FGF14: variants seen among roughly 807,000 people sequenced by gnomAD.
The protein encoded by FGF14 is fibroblast growth factor homologous factor 4.
A neutral mutation model predicts 25.5 loss-of-function variants in FGF14; 5 were observed. That is an observed-to-expected ratio of 0.20 (90% CI 0.10 to 0.41). The LOEUF (loss-of-function observed/expected upper bound fraction) is 0.41, where lower values mean the gene tolerates loss of function less well. Ranked by LOEUF, FGF14 falls within the 10% of genes least tolerant of loss-of-function variation. The probability of loss-of-function intolerance (pLI) is 1.00; values close to 1 mark genes in which losing one functional copy is unlikely to be tolerated. For missense variants in FGF14, 222 were observed against 320.1 expected, an observed-to-expected ratio of 0.69 and a Z score of 2.34; for synonymous variants, 138 against 118.3, an observed-to-expected ratio of 1.17 and a Z score of -1.08.
chr13:102,385,990 C>T (rs886986624), intron 1 of FGF14, among the ~76,000 whole-genome samples: 12 of 152,092 alleles, frequency 7.9e-5, no homozygotes, highest in African/African-American at 2.9e-4. Context: ...TTTACCCGAA[C>T]GTCACTTTTA....
intron 1 of FGF14, among the ~76,000 whole-genome samples, chr13:102,339,564 A>AT (rs1347040414): frequency 1.3e-5 from 2 of 152,170 alleles, no homozygotes; most frequent in African/African-American, 4.8e-5. Context: ...CATACAAAGG[A>AT]TTTTTTTAAG....
chr13:102,211,846 A>G (rs2050174949), intron 1 of FGF14, among the ~76,000 whole-genome samples: 1 of 152,210 alleles, frequency 6.6e-6, no homozygotes, highest in South Asian at 2.1e-4. Context: ...CGCTTTTCAT[A>G]CATAGGACTT....
At chr13:102,067,202 G>A (rs1420301262) in intron 1 of FGF14, among the ~76,000 whole-genome samples, 2 of 152,164 alleles carry the variant, frequency 1.3e-5, no homozygotes, top group South Asian at 4.1e-4. Flanking sequence ...AGGCCATTTG[G>A]GAATTGTCAA....
intron 1 of FGF14, among the ~76,000 whole-genome samples, chr13:101,915,393 G>A (rs1414468105): frequency 1.3e-5 from 2 of 152,186 alleles, no homozygotes; most frequent in African/African-American, 4.8e-5. Context: ...ACAATGTAAT[G>A]TGCTGGGCAA....
At chr13:101,973,119 CTT>C (rs35290815) in intron 1 of FGF14, among the ~76,000 whole-genome samples, 8,361 of 127,404 alleles carry the variant, frequency 0.066, 296 homozygotes, top group African/African-American at 0.13. Context: ...AAGTGTGCTT[CTT>C]TTTTTTTTTT....
At chr13:101,764,924 C>T (rs2038284499) in intron 3 of FGF14, among the ~76,000 whole-genome samples, 1 of 152,052 alleles carries the variant, frequency 6.6e-6, no homozygotes, top group African/African-American at 2.4e-5. Context: ...GATAGTGATC[C>T]CACTGGGTTG....
chr13:102,242,050 T>C (rs531319888), intron 1 of FGF14, among the ~76,000 whole-genome samples: 16 of 152,228 alleles, frequency 1.1e-4, no homozygotes, highest in Admixed American at 2.6e-4. Flanking sequence ...TTCAAGTCAT[T>C]GTCTGAATTT....
At chr13:102,264,060 T>A (rs1361687987) in intron 1 of FGF14, among the ~76,000 whole-genome samples, 1 of 151,950 alleles carries the variant, frequency 6.6e-6, no homozygotes, top group Non-Finnish European at 1.5e-5. Context: ...TCTGTATTTT[T>A]AAAAGAATTC....
chr13:102,328,621 T>G (rs1226402930), intron 1 of FGF14, among the ~76,000 whole-genome samples: 1 of 152,212 alleles, frequency 6.6e-6, no homozygotes, highest in East Asian at 1.9e-4. Context: ...CCTGGTACAT[T>G]GTGGATGCTT....
Position 102,320,509 on chromosome 13 carries a change from AC to A in FGF14, c.208+80961del, listed in dbSNP as rs553550555. Among the ~76,000 whole-genome samples, 1,412 of 152,168 alleles carry A rather than the reference AC, an allele frequency of 9.3e-3. 9 individuals carry two copies. Among genetic ancestry groups the A allele is most frequent in the Non-Finnish European group, 0.015 (1,051 of 68,004 alleles). On this transcript the variant is annotated intron_variant, in intron 1 of 4. Transcript: ENST00000376131. Reference sequence around the variant, plus strand: ...TTATCCTAGGGAAAATGGTGACTAAACCAATTTCCTCTTCAGTGTTCTTTTT... The same window carrying A: ...TTATCCTAGGGAAAATGGTGACTAAACAATTTCCTCTTCAGTGTTCTTTTT...
At chr13:102,167,534 T>TA (rs148072351) in intron 1 of FGF14, among the ~76,000 whole-genome samples, 4,003 of 151,924 alleles carry the variant, frequency 0.026, 174 homozygotes, top group African/African-American at 0.091. Flanking sequence ...ATAGTTTACT[T>TA]AAAAAAAACC....
intron 3 of FGF14, among the ~76,000 whole-genome samples, chr13:101,825,506 C>T (rs933557767): frequency 3.3e-5 from 5 of 151,904 alleles, no homozygotes; most frequent in African/African-American, 4.8e-5. Context: ...CAATCTTTGC[C>T]GATTATTAAG....
chr13:102,005,819 T>C (rs1051637444), intron 1 of FGF14, among the ~76,000 whole-genome samples: 1 of 152,230 alleles, frequency 6.6e-6, no homozygotes, highest in African/African-American at 2.4e-5. Flanking sequence ...TTTTGATCTC[T>C]CAAGCATTTC....
At chr13:101,986,414 G>A (rs2038581831) in intron 1 of FGF14, among the ~76,000 whole-genome samples, 1 of 152,006 alleles carries the variant, frequency 6.6e-6, no homozygotes, top group Non-Finnish European at 1.5e-5. Flanking sequence ...TCTTACACTG[G>A]AGTTGTGAAT....
intron 1 of FGF14, among the ~76,000 whole-genome samples, chr13:102,321,179 A>G (rs2056230358): frequency 6.6e-6 from 1 of 152,198 alleles, no homozygotes; most frequent in Non-Finnish European, 1.5e-5. Flanking sequence ...TCATTGCAAT[A>G]GAGCACATTT....
At chr13:102,105,375 C>A (rs1157442691) in intron 1 of FGF14, among the ~76,000 whole-genome samples, 1 of 152,104 alleles carries the variant, frequency 6.6e-6, no homozygotes, top group Admixed American at 6.5e-5. Flanking sequence ...CATGGTTGAC[C>A]TCTATCGGTG....
At chr13:102,171,430 T>C (rs2048239429) in intron 1 of FGF14, among the ~76,000 whole-genome samples, 2 of 152,196 alleles carry the variant, frequency 1.3e-5, no homozygotes, top group Non-Finnish European at 2.9e-5. Flanking sequence ...CTTTTAAGAT[T>C]AGATTCTTCA....
chr13:102,117,428 A>G (rs2045524215), intron 1 of FGF14, among the ~76,000 whole-genome samples: 1 of 152,176 alleles, frequency 6.6e-6, no homozygotes, highest in African/African-American at 2.4e-5. Context: ...CCAATTCACA[A>G]TCCTAAGTTT....
chr13:101,876,344 G>A (rs767514454), intron 1 of FGF14, among the ~76,000 whole-genome samples: 2 of 152,208 alleles, frequency 1.3e-5, no homozygotes, highest in Non-Finnish European at 2.9e-5. Flanking sequence ...CCATGCTAAT[G>A]CAATCCGCTG....
Sources: gnomAD v4.1 joint callset for allele counts (sites outside exome capture counted in the v4.1 genomes callset) on GRCh38, gnomAD v4.1.1 for gene constraint, MANE v1.5 for transcripts, NCBI Gene and HGNC (gene_info 2026-07-23, HGNC 2026-07-21) for gene names.